CFAP20DC: variants seen among roughly 807,000 people sequenced by gnomAD.
The protein encoded by CFAP20DC is CFAP20 domain containing, also known as protein CFAP20DC.
Under a neutral mutation model 101.7 loss-of-function variants are expected in CFAP20DC, and 84 were observed. The ratio of observed to expected loss-of-function variants is 0.83; its 90% confidence interval spans 0.69 to 0.99. The LOEUF (loss-of-function observed/expected upper bound fraction) is 0.99. Among genes scored for constraint, CFAP20DC ranks in the 50% least tolerant of loss-of-function variants. The pLI, the probability that CFAP20DC is intolerant of heterozygous loss-of-function variation, is 0.00. For missense variants in CFAP20DC, 1,007 were observed against 970.3 expected (o/e 1.04, Z -0.50); for synonymous variants, 359 against 351.2 (o/e 1.02, Z -0.25).
chr3:59,022,029 T>C (rs746433213), intron 4 of CFAP20DC, among the ~76,000 whole-genome samples: 4 of 152,120 alleles, frequency 2.6e-5, no homozygotes, highest in South Asian at 2.1e-4. Context: ...GCAAAGAATC[T>C]GACTTATTTC....
Position 58,862,807 on chromosome 3 carries a change from GA to G in CFAP20DC, c.1593+750del, listed in dbSNP as rs2079359861. 5.1e-6 allele frequency: 5 copies of G among 984,684 alleles called. No homozygotes were observed. The Admixed American group carries it at 3.1e-4, about 61-fold the overall frequency. The allele number at this position is 984,684 out of a possible 1,614,324, so 61.0% of individuals were successfully genotyped here. Reference sequence around the variant, plus strand: ...TCTGCTTTTAGAATAAATTTTTCCAGAAAGTATGAATGACCATCGTTAAAAA... The same window carrying G: ...TCTGCTTTTAGAATAAATTTTTCCAGAAGTATGAATGACCATCGTTAAAAA... On this transcript the variant is annotated intron_variant, in intron 12 of 16. Transcript: ENST00000482387.
rs758382303 is a variant in CFAP20DC at position 58,913,702 on chromosome 3, A to G, written c.550+6T>C. ...TTAAAAAATCTTGATAGCAACCTGA[A>G]CATACCATCCTTATCAGCAGTGTCT... On this transcript the variant is annotated splice_donor_region_variant and intron_variant, in intron 6 of 16. Transcript: ENST00000482387. The surrounding 1 kb of genome is among the most constrained non-coding windows in gnomAD (Gnocchi z 4.4). 4 of 1,613,444 alleles carry G rather than the reference A, an allele frequency of 2.5e-6. No individual in the cohort carries two copies. The highest frequency in any genetic ancestry group is 3.4e-6 in the Non-Finnish European group (4 of 1,179,592).
chr3:58,909,353 T>A (rs1203738810), intron 6 of CFAP20DC, among the ~76,000 whole-genome samples: 1 of 152,150 alleles, frequency 6.6e-6, no homozygotes, highest in Non-Finnish European at 1.5e-5. Flanking sequence ...GTTGTGCATA[T>A]CTGAGCTACA....
At chr3:58,809,505 G>A (rs58592722) in intron 14 of CFAP20DC, among the ~76,000 whole-genome samples, 17,855 of 151,770 alleles carry the variant, frequency 0.12, 1,884 homozygotes, top group East Asian at 0.35. Flanking sequence ...TGAAACCAAC[G>A]AGAACAAAGA....
Position 58,884,612 on chromosome 3 carries a change from T to A in CFAP20DC, c.648A>T (p.Leu216=). 6.2e-7 allele frequency: 1 copy of A among 1,614,052 alleles called. No individual in the cohort carries two copies. The highest frequency in any genetic ancestry group is 1.1e-5 in the South Asian group (1 of 91,072). Residue 216 remains leucine, a synonymous_variant, in exon 7 of 17, where the codon CTA becomes CTT. Coordinates refer to ENST00000482387, the MANE Select transcript of CFAP20DC (RefSeq NM_001394063.1). The stretch of plus-strand genomic sequence containing the variant: ...CAGTTTGGCGAAGTTTAGTCATGTT[T>A]AGCAGCTGTGTGACATGTGGAACAT... The part of the protein sequence containing the change: ...MTDVPHVTQL[L]NMTKLRQTEI...
chr3:58,973,051 T>C (rs1333534540), intron 4 of CFAP20DC, among the ~76,000 whole-genome samples: 4 of 152,242 alleles, frequency 2.6e-5, no homozygotes, highest in Non-Finnish European at 4.4e-5. Flanking sequence ...CTAAGGTTGA[T>C]TAAATGTTAG....
chr3:58,771,090 T>C (rs2070799299), intron 15 of CFAP20DC, among the ~76,000 whole-genome samples: 1 of 152,210 alleles, frequency 6.6e-6, no homozygotes. Context: ...CATGAGTTCA[T>C]GTCCTTTGCA....
At chr3:59,040,551 C>G (rs1305976489) in intron 3 of CFAP20DC, among the ~76,000 whole-genome samples, 4 of 151,908 alleles carry the variant, frequency 2.6e-5, no homozygotes, top group Non-Finnish European at 2.9e-5. Context: ...CTGTGAACCT[C>G]TCCTACAAAG....
At chr3:58,848,962 A>G (rs2077977306) in intron 13 of CFAP20DC, 70 bp downstream of exon 13, 2 of 1,451,846 alleles carry the variant, frequency 1.4e-6, no homozygotes, top group Non-Finnish European at 1.8e-6. Flanking sequence ...TGCTAAAAAC[A>G]TGGGTGGAAC....
intron 7 of CFAP20DC, among the ~76,000 whole-genome samples, chr3:58,878,898 C>T (rs951286455): frequency 1.3e-5 from 2 of 152,056 alleles, no homozygotes; most frequent in African/African-American, 4.8e-5. Flanking sequence ...GTCCCAGCTA[C>T]TCAGGAGGCT....
chr3:58,911,196 T>C (rs1028902171), intron 6 of CFAP20DC, among the ~76,000 whole-genome samples: 3 of 152,144 alleles, frequency 2.0e-5, no homozygotes, highest in African/African-American at 7.2e-5. Context: ...AGAATGCTTC[T>C]AGCACCATTA....
intron 7 of CFAP20DC, among the ~76,000 whole-genome samples, chr3:58,873,658 G>A (rs1416115545): frequency 6.6e-6 from 1 of 151,746 alleles, no homozygotes; most frequent in Non-Finnish European, 1.5e-5. Context: ...TGTTCAAGCA[G>A]AAGTCTGGAT....
chr3:58,904,432 T>C (rs555180214), intron 6 of CFAP20DC, among the ~76,000 whole-genome samples: 2 of 152,244 alleles, frequency 1.3e-5, no homozygotes, highest in South Asian at 2.1e-4. Flanking sequence ...ACTAAGACCA[T>C]ACCCCCTATC....
chr3:58,773,297 T>C (rs1432908636), intron 15 of CFAP20DC, among the ~76,000 whole-genome samples: 1 of 150,934 alleles, frequency 6.6e-6, no homozygotes, highest in Non-Finnish European at 1.5e-5. Flanking sequence ...ATGCCTGTAA[T>C]CCCAGCACTT....
At chr3:58,802,579 G>T (rs574888036) in intron 15 of CFAP20DC, among the ~76,000 whole-genome samples, 1 of 152,142 alleles carries the variant, frequency 6.6e-6, no homozygotes, top group Non-Finnish European at 1.5e-5. Flanking sequence ...AGGGGAAATG[G>T]CTTTGTTGCA....
chr3:58,807,761 A>G (rs192032729), intron 14 of CFAP20DC, among the ~76,000 whole-genome samples: 1 of 152,270 alleles, frequency 6.6e-6, no homozygotes, highest in East Asian at 1.9e-4. Context: ...TGATCAAACT[A>G]CTCCGAGCTA....
chr3:58,742,118 A>C lies in CFAP20DC; in HGVS notation c.*342T>G. The stretch of plus-strand genomic sequence containing the variant: ...CTGTACATCAAGCCATCATTTACAG[A>C]TTAACACTGCAAAAAATTTGAATGA... On this transcript the variant is annotated 3_prime_UTR_variant, in exon 17 of 17. Transcript: ENST00000482387. 12 of 945,834 alleles carry C rather than the reference A, an allele frequency of 1.3e-5. No individual in the cohort carries two copies. The highest frequency in any genetic ancestry group is 1.5e-5 in the Non-Finnish European group (12 of 792,714). 58.6% of individuals were successfully genotyped at this position (945,834 alleles called of 1,614,324 possible). A position where few individuals can be genotyped will look rare whatever the true frequency, so the allele number is the denominator to read the frequency against.
intron 6 of CFAP20DC, among the ~76,000 whole-genome samples, chr3:58,898,322 G>A (rs979541648): frequency 1.3e-5 from 2 of 151,932 alleles, no homozygotes; most frequent in Non-Finnish European, 2.9e-5. Flanking sequence ...CTACGTAAGC[G>A]CATCAGCATG....
chr3:58,955,864 A>G (rs2090577893), intron 4 of CFAP20DC, among the ~76,000 whole-genome samples: 1 of 151,478 alleles, frequency 6.6e-6, no homozygotes, highest in African/African-American at 2.4e-5. Context: ...CAGCAGTAGG[A>G]TAGGGCAACA....
Sources: gnomAD v4.1 joint callset for allele counts (sites outside exome capture counted in the v4.1 genomes callset) on GRCh38, gnomAD v4.1.1 for gene constraint, Gnocchi (gnomAD v3.1) non-coding constraint, MANE v1.5 for transcripts, NCBI Gene and HGNC (gene_info 2026-07-23, HGNC 2026-07-21) for gene names.